Variants in HFE observed in about 807,000 individuals in gnomAD.
HFE encodes homeostatic iron regulator.
A neutral mutation model predicts 40.9 loss-of-function variants in HFE; 36 were observed. That is an observed-to-expected ratio of 0.88 (90% confidence interval 0.67 to 1.16). The LOEUF (loss-of-function observed/expected upper bound fraction) is 1.16. Among genes scored for constraint, HFE ranks in the 50% most tolerant of loss-of-function variants. The pLI is 0.00. For missense variants in HFE, 376 were observed against 432.0 expected (o/e 0.87, Z 1.15); for synonymous variants, 157 against 165.4 (o/e 0.95, Z 0.39).
rs1361453280 is a variant in HFE, at chr6:26,096,751, TAAC to T, written c.*2529_*2531del. ...ATTTAATTAGCCAGTGAAAAACTAT[TAAC>T]AACTTGTCTATTACCTGTTAGTATT... is the stretch of plus-strand genomic sequence containing the variant. On this transcript the variant is annotated 3_prime_UTR_variant, in exon 6 of 6. Coordinates refer to ENST00000357618, the MANE Select transcript of HFE (RefSeq NM_000410.4). 8.1e-6 allele frequency: 3 copies of T among 370,720 alleles called. No individual in the cohort carries two copies. The highest frequency in any genetic ancestry group is 1.6e-5 in the Non-Finnish European group (3 of 192,362). The allele number at this position is 370,720 out of a possible 1,614,324, so 23.0% of individuals were successfully genotyped here.
At chr6:26,088,035 T>TG (rs1762412339) in intron 1 of HFE, among the ~76,000 whole-genome samples, 4 of 152,128 alleles carry the variant, frequency 2.6e-5, no homozygotes, top group Admixed American at 2.0e-4. Context: ...AGAGTGGCGT[T>TG]GGGGATCTGA....
At position 26,094,829 on chromosome 6, in the gene HFE, C is replaced by T. The variant is rs62625353; in HGVS notation, c.*603C>T. On this transcript the variant is annotated 3_prime_UTR_variant, in exon 6 of 6. Transcript: ENST00000357618. ...TGCACGAATGGAAGAGGCACCTGTCCCAGAAAAAGCATCATGGCTATCTGT... is the reference window on the plus strand; with the variant it reads ...TGCACGAATGGAAGAGGCACCTGTCTCAGAAAAAGCATCATGGCTATCTGT... 1.0e-3 allele frequency: 205 copies of T among 205,566 alleles called. No individual in the cohort carries two copies. Among genetic ancestry groups the T allele is most frequent in the South Asian group, 5.6e-3 (59 of 10,486 alleles). 12.7% of individuals were successfully genotyped at this position (205,566 alleles called of 1,614,324 possible). A position where few individuals can be genotyped will look rare whatever the true frequency, so the allele number is the denominator to read the frequency against.
chr6:26,090,000 T>TG (rs1401080474), intron 1 of HFE, among the ~76,000 whole-genome samples: 3 of 151,962 alleles, frequency 2.0e-5, no homozygotes, highest in Non-Finnish European at 2.9e-5. Context: ...GCCTGAGCAG[T>TG]GGGGTAATTG....
rs1762934798 is a variant in HFE at position 26,094,589 on chromosome 6, T to C, written c.*363T>C. ...CCTTAAATTTGGGGGACTTACATGATTCATTTTAACATCTGAGAAAAGCTT... is the reference window on the plus strand; with the variant it reads ...CCTTAAATTTGGGGGACTTACATGACTCATTTTAACATCTGAGAAAAGCTT... On this transcript the variant is annotated 3_prime_UTR_variant, in exon 6 of 6. Transcript: ENST00000357618. 1 of 640,138 alleles carries C rather than the reference T, an allele frequency of 1.6e-6. No homozygotes were observed. Among genetic ancestry groups the C allele is most frequent in the African/African-American group, 1.8e-5 (1 of 54,626 alleles). The allele number at this position is 640,138 out of a possible 1,614,324, so 39.7% of individuals were successfully genotyped here.
chr6:26,090,433 ACT>A (rs1382494599), intron 1 of HFE, among the ~76,000 whole-genome samples: 3 of 103,300 alleles, frequency 2.9e-5, no homozygotes, highest in Non-Finnish European at 5.4e-5. Flanking sequence ...ATAGAGTGAG[ACT>A]CTGTCTCAAA....
chr6:26,090,714 G>A, intron 1 of HFE, 127 bp from the exon 2 acceptor site: 2 of 994,588 alleles, frequency 2.0e-6, no homozygotes, highest in Non-Finnish European at 3.2e-6. Flanking sequence ...AGACAGGACT[G>A]CAACTCACCC....
Position 26,091,046 on chromosome 6 carries a change from G to T in HFE, c.282G>T (p.Trp94Cys). The T allele has an allele frequency of 6.2e-7, 1 of 1,614,118 alleles. No homozygotes were observed. Among genetic ancestry groups the T allele is most frequent in the South Asian group, 1.1e-5 (1 of 91,070 alleles). Residue 94 changes from tryptophan (W) to cysteine (C), a missense_variant, in exon 2 of 6, where the codon TGG (tryptophan) becomes TGT (cysteine). This residue lies in a region of HFE where 200 missense variants were observed against 228.5 expected (regional missense o/e 0.88). Coordinates refer to ENST00000357618, the MANE Select transcript of HFE (RefSeq NM_000410.4). ...WLQLSQSLKG[W>C]DHMFTVDFWT... ...AGCTGAGTCAGAGTCTGAAAGGGTG[G>T]GATCACATGTTCACTGTTGACTTCT...
rs1762860774 is a variant in HFE at position 26,093,247 on chromosome 6, G to C, written c.1006+15G>C. On this transcript the variant is annotated intron_variant, in intron 5 of 5. Coordinates refer to ENST00000357618, the MANE Select transcript of HFE (RefSeq NM_000410.4). ...GCAGGGTTCAAGTGAGTAGGAACAA[G>C]GGGGAAGTCTCTTAGTACCTCTGCC... 2 of 1,565,388 alleles carry C rather than the reference G, an allele frequency of 1.3e-6. No homozygotes were observed. Among genetic ancestry groups the C allele is most frequent in the Admixed American group, 3.3e-5 (2 of 59,930 alleles).
chr6:26,090,414 G>A (rs1419379170), intron 1 of HFE, among the ~76,000 whole-genome samples: 2 of 130,240 alleles, frequency 1.5e-5, no homozygotes, highest in Admixed American at 9.0e-5. Flanking sequence ...CTGCACTCCA[G>A]CCTGGGTGAT....
In HFE at chr6:26,090,920, C is replaced by T. The variant is rs756070473; in HGVS notation, c.156C>T (p.Tyr52=). Reference sequence around the variant, plus strand: ...TTTCCTTGTTTGAAGCTTTGGGCTACGTGGATGACCAGCTGTTCGTGTTCT... The same window carrying T: ...TTTCCTTGTTTGAAGCTTTGGGCTATGTGGATGACCAGCTGTTCGTGTTCT... ...LGLSLFEALG[Y]VDDQLFVFYD... Residue 52 remains tyrosine, a synonymous_variant, in exon 2 of 6, where the codon TAC becomes TAT. Transcript: ENST00000357618. 1.4e-5 allele frequency: 22 copies of T among 1,613,962 alleles called. No individual in the cohort carries two copies. The highest frequency in any genetic ancestry group is 1.2e-4 in the South Asian group (11 of 91,086).
rs1762812950 is a variant in HFE, at chr6:26,092,770, C to T, written c.702C>T (p.Asn234=). 1 of 1,614,126 alleles carries T rather than the reference C, an allele frequency of 6.2e-7. No individual in the cohort carries two copies. The highest frequency in any genetic ancestry group is 1.3e-5 in the African/African-American group (1 of 74,934). The part of the protein sequence containing the change: ...RCRALNYYPQ[N]ITMKWLKDKQ... ...GGGCCTTGAACTACTACCCCCAGAA[C>T]ATCACCATGAAGTGGCTGAAGGATA... Residue 234 remains asparagine (N), a synonymous_variant, in exon 4 of 6, where the codon AAC becomes AAT. Coordinates refer to ENST00000357618, the MANE Select transcript of HFE (RefSeq NM_000410.4).
chr6:26,094,827 T>A lies in HFE; in HGVS notation c.*601T>A, dbSNP rs1383568880. ...ACTGCACGAATGGAAGAGGCACCTG[T>A]CCCAGAAAAAGCATCATGGCTATCT... On this transcript the variant is annotated 3_prime_UTR_variant, in exon 6 of 6. Coordinates refer to ENST00000357618, the MANE Select transcript of HFE (RefSeq NM_000410.4). The A allele has an allele frequency of 4.8e-6, 1 of 208,822 alleles. No homozygotes were observed. The highest frequency in any genetic ancestry group is 2.3e-5 in the African/African-American group (1 of 43,132). The allele number at this position is 208,822 out of a possible 1,614,324, so 12.9% of individuals were successfully genotyped here.
At position 26,092,745 on chromosome 6, in the gene HFE, G is replaced by A. The variant is rs746127216; in HGVS notation, c.677G>A (p.Arg226Gln). 4.3e-5 allele frequency: 70 copies of A among 1,614,040 alleles called. No homozygotes were observed. Among genetic ancestry groups the A allele is most frequent in the Admixed American group, 1.0e-4 (6 of 59,998 alleles). ...VTSSVTTLRCRALNYYPQNIT... is the reference protein window; with the variant it reads ...VTSSVTTLRCQALNYYPQNIT... ...TCTTCAGTGACCACTCTACGGTGTC[G>A]GGCCTTGAACTACTACCCCCAGAAC... The change falls in exon 4 of 6, where the codon CGG becomes CAG. Residue 226 changes from arginine (R) to glutamine (Q), a missense_variant. By Grantham distance (43) the Arg-to-Gln change is conservative (BLOSUM62 1). This residue lies in a region of HFE where 173 missense variants were observed against 186.9 expected (regional missense o/e 0.93). Transcript: ENST00000357618.
intron 3 of HFE, among the ~76,000 whole-genome samples, chr6:26,092,438 A>C (rs1358381223): frequency 6.6e-6 from 1 of 152,162 alleles, no homozygotes; most frequent in Non-Finnish European, 1.5e-5. Context: ...TTTATCTATC[A>C]GAACAAAGAA....
chr6:26,094,370 C>G lies in HFE; in HGVS notation c.*144C>G, dbSNP rs769523131. 3.4e-5 allele frequency: 27 copies of G among 783,474 alleles called. No individual in the cohort carries two copies. The highest frequency in any genetic ancestry group is 5.3e-5 in the Non-Finnish European group (24 of 455,520). 48.5% of individuals were successfully genotyped at this position (783,474 alleles called of 1,614,324 possible). ...ACGAACTCCTTGATTTTAGCCTTCTCTGTTCATTTCCTCAAAAAGATTTCC... is the reference window on the plus strand; with the variant it reads ...ACGAACTCCTTGATTTTAGCCTTCTGTGTTCATTTCCTCAAAAAGATTTCC... On this transcript the variant is annotated 3_prime_UTR_variant, in exon 6 of 6. Coordinates refer to ENST00000357618, the MANE Select transcript of HFE (RefSeq NM_000410.4).
Position 26,093,243 on chromosome 6 carries a change from A to G in HFE, c.1006+11A>G, listed in dbSNP as rs752007805. 6.3e-7 allele frequency: 1 copy of G among 1,577,342 alleles called. No individual in the cohort carries two copies. Among genetic ancestry groups the G allele is most frequent in the South Asian group, 1.1e-5 (1 of 90,302 alleles). On this transcript the variant is annotated intron_variant, in intron 5 of 5. Coordinates refer to ENST00000357618, the MANE Select transcript of HFE (RefSeq NM_000410.4). ...AGAGGCAGGGTTCAAGTGAGTAGGA[A>G]CAAGGGGGAAGTCTCTTAGTACCTC...
chr6:26,093,273 C>T (rs1271074597), intron 5 of HFE, 41 bp downstream of exon 5: 1 of 1,396,966 alleles, frequency 7.2e-7, no homozygotes, highest in Non-Finnish European at 1.0e-6. Flanking sequence ...TACCTCTGCC[C>T]CAGGGCACAG....
In HFE at chr6:26,095,032, C is replaced by G. The variant is rs1300737776; in HGVS notation, c.*806C>G. Reference sequence around the variant, plus strand: ...CTGAAGAATCACAATAATTTTCTACCTGGTCTCTCCTTGTTCTGATAATGA... The same window carrying G: ...CTGAAGAATCACAATAATTTTCTACGTGGTCTCTCCTTGTTCTGATAATGA... On this transcript the variant is annotated 3_prime_UTR_variant, in exon 6 of 6. Coordinates refer to ENST00000357618, the MANE Select transcript of HFE (RefSeq NM_000410.4). 1 of 155,638 alleles carries G rather than the reference C, an allele frequency of 6.4e-6. No individual in the cohort carries two copies. 9.6% of individuals were successfully genotyped at this position (155,638 alleles called of 1,614,324 possible).
At chr6:26,091,877 TA>T (rs1463590614) in intron 3 of HFE, among the ~76,000 whole-genome samples, 1 of 152,036 alleles carries the variant, frequency 6.6e-6, no homozygotes, top group African/African-American at 2.4e-5. Context: ...TTATACCTGT[TA>T]AAAATTCAGA....
Sources: allele counts gnomAD v4.1 joint callset (sites outside exome capture counted in the v4.1 genomes callset), GRCh38; gene constraint gnomAD v4.1.1; regional missense constraint gnomAD v4.1.1; transcripts MANE v1.5; gene names NCBI Gene and HGNC (gene_info 2026-07-23, HGNC 2026-07-21).